The following DNAJB2 variants were observed in gnomAD, a reference collection of about 807,000 sequenced individuals.
The protein encoded by DNAJB2 is dnaJ homolog subfamily B member 2.
A neutral mutation model predicts 33.3 loss-of-function variants in DNAJB2; 19 were observed. The observed-to-expected ratio is 0.57, with a 90% CI of 0.40 to 0.84. The LOEUF (loss-of-function observed/expected upper bound fraction) is 0.84, where lower values mean the gene tolerates loss of function less well. Among genes scored for constraint, DNAJB2 ranks in the 40% least tolerant of loss-of-function variants. DNAJB2 has a pLI of 0.00. For synonymous variants in DNAJB2, 172 were observed against 164.6 expected, an observed-to-expected ratio of 1.04 and a Z score of -0.34; for missense variants, 368 against 430.9, an observed-to-expected ratio of 0.85 and a Z score of 1.29.
chr2:219,286,860 G>C lies in DNAJB2; in HGVS notation c.*1873G>C, dbSNP rs996568758. 6.6e-6 allele frequency: 1 copy of C among 152,304 alleles called. No homozygotes were observed. Among genetic ancestry groups the C allele is most frequent in the Non-Finnish European group, 1.5e-5 (1 of 68,092 alleles). 9.4% of individuals were successfully genotyped at this position (152,304 alleles called of 1,614,324 possible). A position where few individuals can be genotyped will look rare whatever the true frequency, so the allele number is the denominator to read the frequency against. ...AGCTGGGCTGAGCTCAGATCCAGGG[G>C]GAAATGCTGGAAGTCAATAAAACTG... is the stretch of plus-strand genomic sequence containing the variant. On this transcript the variant is annotated 3_prime_UTR_variant, in exon 9 of 9. Transcript: ENST00000336576.
Position 219,286,093 on chromosome 2 carries a change from C to A in DNAJB2, c.*1106C>A. On this transcript the variant is annotated 3_prime_UTR_variant, in exon 9 of 9. Transcript: ENST00000336576. ...GGACCCTCCATTTCTCCCCCTCACCCATGCTGAGTGTAGAGCCGGGGCCTG... is the reference window on the plus strand; with the variant it reads ...GGACCCTCCATTTCTCCCCCTCACCAATGCTGAGTGTAGAGCCGGGGCCTG... The A allele has an allele frequency of 8.1e-7, 1 of 1,234,486 alleles. No homozygotes were observed. The highest frequency in any genetic ancestry group is 1.1e-6 in the Non-Finnish European group (1 of 930,402). 76.5% of individuals were successfully genotyped at this position (1,234,486 alleles called of 1,614,324 possible).
intron 5 of DNAJB2, 165 bp from the exon 6 acceptor site, chr2:219,282,672 T>C (rs1427844774): frequency 1.7e-6 from 1 of 578,114 alleles, no homozygotes; most frequent in African/African-American, 1.9e-5. Flanking sequence ...GTGAGTGTTT[T>C]CGAATTCAAC....
chr2:219,281,804 TGGGGCAGGGAGGAGA>T (rs766643040), intron 4 of DNAJB2, 33 bp downstream of exon 4: 19 of 1,613,232 alleles, frequency 1.2e-5, no homozygotes, highest in East Asian at 2.2e-5. Context: ...GGAATGGAGG[TGGGGCAGGGAGGAGA>T]GGGGCAGGGC....
At chr2:219,281,267 C>T (rs1354835953) in intron 3 of DNAJB2, 9 of 197,944 alleles carry the variant, frequency 4.5e-5, no homozygotes, top group South Asian at 1.8e-4. Flanking sequence ...AAGAGTATTC[C>T]GAGGGAAGAA....
rs753824788 is a variant in DNAJB2, at chr2:219,285,967, C to T, written c.*980C>T. 65 of 1,611,770 alleles carry T rather than the reference C, an allele frequency of 4.0e-5. No individual in the cohort carries two copies. In the Admixed American group the frequency reaches 6.7e-4, roughly 17 times the overall value. On this transcript the variant is annotated 3_prime_UTR_variant, in exon 9 of 9. Coordinates refer to ENST00000336576, the MANE Select transcript of DNAJB2 (RefSeq NM_006736.6). The stretch of plus-strand genomic sequence containing the variant: ...CCGCTGACGCTCTCTCCTGTCACCC[C>T]GCCCCTGCTCTCTCCCCAGATGTGT...
intron 3 of DNAJB2, chr2:219,281,348 G>A (rs138403920): frequency 5.1e-5 from 12 of 233,176 alleles, no homozygotes; most frequent in Non-Finnish European, 9.4e-5. Context: ...AGGCCTCTCC[G>A]AGAAGGTGAC....
At chr2:219,283,989 C>T in intron 8 of DNAJB2, among the ~76,000 whole-genome samples, 1 of 152,240 alleles carries the variant, frequency 6.6e-6, no homozygotes, top group African/African-American at 2.4e-5. Flanking sequence ...CACAGCTAAC[C>T]TTTCACGCCT....
At chr2:219,280,549 ACT>A (rs770139282) in intron 2 of DNAJB2, 27 bp from the exon 3 acceptor site, 497 of 1,580,542 alleles carry the variant, frequency 3.1e-4, no homozygotes, top group Non-Finnish European at 3.8e-4. Flanking sequence ...TTGTCCCCCG[ACT>A]CTCTCCTCTG....
Position 219,286,256 on chromosome 2 carries a change from C to A in DNAJB2, c.*1269C>A. 1 of 498,426 alleles carries A rather than the reference C, an allele frequency of 2.0e-6. No individual in the cohort carries two copies. The highest frequency in any genetic ancestry group is 3.6e-6 in the Non-Finnish European group (1 of 276,784). 30.9% of individuals were successfully genotyped at this position (498,426 alleles called of 1,614,324 possible). On this transcript the variant is annotated 3_prime_UTR_variant, in exon 9 of 9. Coordinates refer to ENST00000336576, the MANE Select transcript of DNAJB2 (RefSeq NM_006736.6). ...CCGGCCTCATTTCTGATAGATCCCGCTTGGGGGAGGTGGTGTATGGTTACG... is the reference window on the plus strand; with the variant it reads ...CCGGCCTCATTTCTGATAGATCCCGATTGGGGGAGGTGGTGTATGGTTACG...
rs200970147 is a variant in DNAJB2 at position 219,284,940 on chromosome 2, C to T, written c.928C>T (p.Arg310Cys). The change falls in exon 9 of 9, where the codon CGC (arginine) becomes TGC (cysteine). Residue 310 changes from arginine to cysteine, a missense_variant. Coordinates refer to ENST00000336576, the MANE Select transcript of DNAJB2 (RefSeq NM_006736.6). ...GGGTGCGAGGGGTGAAGCAACCAAA[C>T]GCAGTCCATCCCCAGAGGAGAAGGC... is the stretch of plus-strand genomic sequence containing the variant. ...QEGARGEATK[R>C]SPSPEEKASR... The T allele has an allele frequency of 5.6e-5, 87 of 1,561,446 alleles. No individual in the cohort carries two copies. Among genetic ancestry groups the T allele is most frequent in the South Asian group, 1.3e-4 (11 of 84,152 alleles).
Position 219,285,185 on chromosome 2 carries a change from TGGTGAAGCCCAGGGTGGGG to T in DNAJB2, c.*203_*221del. ...GCTCAGCCCAGGGCTGATAGGTCCCTGGTGAAGCCCAGGGTGGGGGGTGTCAGGGCAGTGGAGGGGCCCG... is the reference window on the plus strand; with the variant it reads ...GCTCAGCCCAGGGCTGATAGGTCCCTGGTGTCAGGGCAGTGGAGGGGCCCG... On this transcript the variant is annotated 3_prime_UTR_variant, in exon 9 of 9. Coordinates refer to ENST00000336576, the MANE Select transcript of DNAJB2 (RefSeq NM_006736.6). 7.9e-7 allele frequency: 1 copy of T among 1,262,406 alleles called. No individual in the cohort carries two copies. The highest frequency in any genetic ancestry group is 1.5e-5 in the African/African-American group (1 of 66,248). 78.2% of individuals were successfully genotyped at this position (1,262,406 alleles called of 1,614,324 possible). A position where few individuals can be genotyped will look rare whatever the true frequency, so the allele number is the denominator to read the frequency against.
intron 5 of DNAJB2, 136 bp downstream of exon 5, chr2:219,282,197 T>C: frequency 6.8e-7 from 1 of 1,460,340 alleles, no homozygotes; most frequent in Middle Eastern, 1.8e-4. Context: ...TGGAGCTGGG[T>C]CCAGTGAGAG....
Position 219,285,583 on chromosome 2 carries a change from T to C in DNAJB2, c.*596T>C. 1 of 1,051,894 alleles carries C rather than the reference T, an allele frequency of 9.5e-7. No individual in the cohort carries two copies. Among genetic ancestry groups the C allele is most frequent in the Non-Finnish European group, 1.1e-6 (1 of 871,886 alleles). 65.2% of individuals were successfully genotyped at this position (1,051,894 alleles called of 1,614,324 possible). The stretch of plus-strand genomic sequence containing the variant: ...GCTTTCACTGCCGTCTGGCTAGGAC[T>C]CCCTTCTTCCTTCCTTCCCCGAGAA... On this transcript the variant is annotated 3_prime_UTR_variant, in exon 9 of 9. Transcript: ENST00000336576.
intron 5 of DNAJB2, chr2:219,282,543 A>C (rs1951915050): frequency 5.1e-6 from 2 of 389,640 alleles, no homozygotes; most frequent in Non-Finnish European, 9.2e-6. Flanking sequence ...CTGGACTCCT[A>C]GCTGTGTCTG....
chr2:219,285,963 A>C lies in DNAJB2; in HGVS notation c.*976A>C, dbSNP rs1574903043. The C allele has an allele frequency of 6.2e-7, 1 of 1,610,344 alleles. No homozygotes were observed. ...CTTGCCGCTGACGCTCTCTCCTGTC[A>C]CCCCGCCCCTGCTCTCTCCCCAGAT... On this transcript the variant is annotated 3_prime_UTR_variant, in exon 9 of 9. Coordinates refer to ENST00000336576, the MANE Select transcript of DNAJB2 (RefSeq NM_006736.6).
In DNAJB2 at chr2:219,283,297, A is replaced by G. The variant is rs1292776378; in HGVS notation, c.548+62A>G. The G allele has an allele frequency of 1.2e-6, 2 of 1,610,786 alleles. 1 individual carries two copies. Among genetic ancestry groups the G allele is most frequent in the African/African-American group, 2.7e-5 (2 of 74,862 alleles). On this transcript the variant is annotated intron_variant, in intron 7 of 8. Coordinates refer to ENST00000336576, the MANE Select transcript of DNAJB2 (RefSeq NM_006736.6). ...GTCTGCTGGGGAGCTGTGTTCAAAT[A>G]GAAAGTTGGCTCCTTGAGGGCAGGG...
Position 219,286,135 on chromosome 2 carries a change from C to CCG in DNAJB2, c.*1148_*1149insCG. On this transcript the variant is annotated 3_prime_UTR_variant, in exon 9 of 9. Transcript: ENST00000336576. ...CGGGGCCTGGGTGGCGGGTGGGGGC[C>CCG]GGGTGGGAGGTGGCAGTAGTCTTAG... 1 of 28,992 alleles carries CCG rather than the reference C, an allele frequency of 3.4e-5. No individual in the cohort carries two copies. 1.8% of individuals were successfully genotyped at this position (28,992 alleles called of 1,614,324 possible).
Position 219,285,653 on chromosome 2 carries a change from A to C in DNAJB2, c.*666A>C, listed in dbSNP as rs1951948725. On this transcript the variant is annotated 3_prime_UTR_variant, in exon 9 of 9. Transcript: ENST00000336576. ...AGATGCTGGGGCCGGTAGGGCTGTG[A>C]GATCTTCTGGGGAGGCTAGCCGGGT... The C allele has an allele frequency of 8.7e-7, 1 of 1,148,400 alleles. No homozygotes were observed. The highest frequency in any genetic ancestry group is 1.1e-6 in the Non-Finnish European group (1 of 932,674). 71.1% of individuals were successfully genotyped at this position (1,148,400 alleles called of 1,614,324 possible).
chr2:219,284,333 G>A (rs575803527), intron 8 of DNAJB2, among the ~76,000 whole-genome samples: 2 of 152,176 alleles, frequency 1.3e-5, no homozygotes, highest in South Asian at 2.1e-4. Context: ...CTTCTACCTC[G>A]GCCTCCCAAA....
Sources: gnomAD v4.1 joint callset for allele counts (sites outside exome capture counted in the v4.1 genomes callset) on GRCh38, gnomAD v4.1.1 for gene constraint, MANE v1.5 for transcripts, NCBI Gene and HGNC (gene_info 2026-07-23, HGNC 2026-07-21) for gene names.